Variants in LRBA observed in about 807,000 individuals in gnomAD.
The protein encoded by LRBA is LPS responsive beige-like anchor protein, also known as lipopolysaccharide-responsive and beige-like anchor protein.
A neutral mutation model predicts 330.0 loss-of-function variants in LRBA; 176 were observed. That is an observed-to-expected ratio of 0.53 (90% confidence interval 0.47 to 0.60). The LOEUF is 0.60. Ranked by LOEUF, LRBA falls within the 20% of genes least tolerant of loss-of-function variation. LRBA has a pLI of 0.00. For missense variants in LRBA, 3,259 were observed against 3,444.8 expected, an observed-to-expected ratio of 0.95 and a Z score of 1.35; for synonymous variants, 1,230 against 1,193.0, an observed-to-expected ratio of 1.03 and a Z score of -0.64.
At chr4:150,767,184 T>C (rs912179529) in intron 34 of LRBA, among the ~76,000 whole-genome samples, 8 of 152,188 alleles carry the variant, frequency 5.3e-5, no homozygotes, top group African/African-American at 1.7e-4. Context: ...TAACACACTA[T>C]GCATTCAAAT....
intron 34 of LRBA, among the ~76,000 whole-genome samples, chr4:150,788,305 G>T (rs1232986505): frequency 5.7e-5 from 8 of 139,350 alleles, no homozygotes; most frequent in Non-Finnish European, 1.2e-4. Context: ...CGCCATGTTA[G>T]CCAGGCTGGT....
intron 2 of LRBA, among the ~76,000 whole-genome samples, chr4:150,967,397 C>T (rs1739024865): frequency 6.6e-6 from 1 of 152,232 alleles, no homozygotes; most frequent in Non-Finnish European, 1.5e-5. Context: ...TAATATTCTA[C>T]TCCCTTGCCT....
chr4:150,694,462 C>CAAAAAAAAAAAAAAAAA lies in LRBA; in HGVS notation c.5755-10746_5755-10745insTTTTTTTTTTTTTTTTT, dbSNP rs58558446. 9.7e-3 allele frequency among the ~76,000 whole-genome samples: 690 copies of CAAAAAAAAAAAAAAAAA among 70,958 alleles called. 213 individuals carry two copies. The highest frequency in any genetic ancestry group is 0.029 in the Middle Eastern group (2 of 70). 46.6% of individuals were successfully genotyped at this position (70,958 alleles called of 152,430 possible). A position where few individuals can be genotyped will look rare whatever the true frequency, so the allele number is the denominator to read the frequency against. Reference sequence around the variant, plus strand: ...CCTTACCTTAAAGTGTGATCTTTAACAAAAAAAAAAAAAAGCTATCTACAG... The same window carrying CAAAAAAAAAAAAAAAAA: ...CCTTACCTTAAAGTGTGATCTTTAACAAAAAAAAAAAAAAAAAAAAAAAAAAAAAAAGCTATCTACAG... On this transcript the variant is annotated intron_variant, in intron 36 of 56. Transcript: ENST00000651943.
At chr4:150,557,876 T>C (rs907927050) in intron 40 of LRBA, among the ~76,000 whole-genome samples, 1 of 152,146 alleles carries the variant, frequency 6.6e-6, no homozygotes, top group Non-Finnish European at 1.5e-5. Context: ...TATTTCCTGC[T>C]GCTCTGTTCC....
At chr4:150,866,372 A>G (rs1752690180) in intron 22 of LRBA, among the ~76,000 whole-genome samples, 1 of 152,234 alleles carries the variant, frequency 6.6e-6, no homozygotes, top group Admixed American at 6.5e-5. Flanking sequence ...CAAAGGATTA[A>G]GAATGAGACT....
At chr4:150,878,590 T>G (rs920766971) in intron 17 of LRBA, among the ~76,000 whole-genome samples, 1 of 151,214 alleles carries the variant, frequency 6.6e-6, no homozygotes, top group African/African-American at 2.4e-5. Context: ...AGAAGACTGA[T>G]AGACCACTAG....
chr4:150,745,255 AT>A (rs1312546158), intron 35 of LRBA, among the ~76,000 whole-genome samples: 1 of 152,230 alleles, frequency 6.6e-6, no homozygotes, highest in African/African-American at 2.4e-5. Context: ...GATAGTAAAC[AT>A]AAGTTGCTTT....
At chr4:150,954,788 T>A (rs1463320731) in intron 2 of LRBA, among the ~76,000 whole-genome samples, 128 of 21,576 alleles carry the variant, frequency 5.9e-3, no homozygotes, top group South Asian at 8.3e-3. Flanking sequence ...TTTTAAAAAT[T>A]AAAAAAAAAA....
intron 36 of LRBA, among the ~76,000 whole-genome samples, chr4:150,706,255 T>C (rs1486933913): frequency 6.6e-6 from 1 of 151,856 alleles, no homozygotes; most frequent in Non-Finnish European, 1.5e-5. Context: ...AGCTTGACAC[T>C]AGTATATGAA....
intron 38 of LRBA, among the ~76,000 whole-genome samples, chr4:150,598,465 C>T (rs1247077229): frequency 1.3e-5 from 2 of 152,064 alleles, no homozygotes; most frequent in African/African-American, 2.4e-5. Context: ...AGAATAGGAA[C>T]GTATGAAAAT....
At chr4:150,551,728 CATAAGTT>C (rs1395780303) in intron 40 of LRBA, among the ~76,000 whole-genome samples, 1 of 151,880 alleles carries the variant, frequency 6.6e-6, no homozygotes, top group Non-Finnish European at 1.5e-5. Flanking sequence ...ATATGATACT[CATAAGTT>C]ATACATGAGA....
At position 150,446,557 on chromosome 4, in the gene LRBA, T is replaced by A. The variant is rs184997889; in HGVS notation, c.6781-9693A>T. On this transcript the variant is annotated intron_variant, in intron 44 of 56. Transcript: ENST00000651943. ...AGTTGTATTCCTAGAAAAAGCCCAATCCTGGCAAGGAAGGTCAATGATATT... is the reference window on the plus strand; with the variant it reads ...AGTTGTATTCCTAGAAAAAGCCCAAACCTGGCAAGGAAGGTCAATGATATT... Among the ~76,000 whole-genome samples the A allele has an allele frequency of 5.7e-3, 872 of 152,290 alleles. 3 individuals carry two copies. Among genetic ancestry groups the A allele is most frequent in the Non-Finnish European group, 9.7e-3 (658 of 68,032 alleles).
chr4:150,268,051 C>T (rs1408068341), intron 56 of LRBA, among the ~76,000 whole-genome samples: 1 of 132,918 alleles, frequency 7.5e-6, no homozygotes, highest in Admixed American at 7.8e-5. Flanking sequence ...TAGAGTGAGA[C>T]TCCATCTCAA....
chr4:150,629,021 C>T (rs1777117294), intron 37 of LRBA, among the ~76,000 whole-genome samples: 1 of 152,182 alleles, frequency 6.6e-6, no homozygotes. Flanking sequence ...CCTCATCCCC[C>T]AGGCAACTGG....
chr4:150,924,487 G>A (rs1733671957), intron 4 of LRBA, among the ~76,000 whole-genome samples: 1 of 152,058 alleles, frequency 6.6e-6, no homozygotes, highest in African/African-American at 2.4e-5. Flanking sequence ...ACTCCAACCT[G>A]GGTAACAGAG....
intron 35 of LRBA, among the ~76,000 whole-genome samples, chr4:150,755,289 A>G (rs1734142315): frequency 6.6e-6 from 1 of 152,230 alleles, no homozygotes; most frequent in South Asian, 2.1e-4. Context: ...ATATTTGTAT[A>G]CAAGTCTGAG....
chr4:150,644,574 T>A (rs1778962758), intron 37 of LRBA, among the ~76,000 whole-genome samples: 1 of 151,840 alleles, frequency 6.6e-6, no homozygotes, highest in Non-Finnish European at 1.5e-5. Flanking sequence ...CAATAGACAA[T>A]TAAAAATAAA....
At chr4:150,656,991 C>T (rs750142666) in intron 37 of LRBA, among the ~76,000 whole-genome samples, 30 of 152,088 alleles carry the variant, frequency 2.0e-4, no homozygotes, top group Non-Finnish European at 4.0e-4. Context: ...ATGGAGTTGA[C>T]ATCAATGTTG....
intron 47 of LRBA, among the ~76,000 whole-genome samples, chr4:150,365,753 T>C (rs1325948747): frequency 2.0e-5 from 3 of 148,102 alleles, no homozygotes; most frequent in Admixed American, 1.4e-4. Context: ...ATCCCACCAT[T>C]GCACTCCAGC....
Sources: allele counts gnomAD v4.1 joint callset (sites outside exome capture counted in the v4.1 genomes callset), GRCh38; gene constraint gnomAD v4.1.1; transcripts MANE v1.5; gene names NCBI Gene and HGNC (gene_info 2026-07-23, HGNC 2026-07-21).